Variants in RBFOX1 observed in about 807,000 individuals in gnomAD.
The protein encoded by RBFOX1 is RNA binding fox-1 homolog 1.
A neutral mutation model predicts 57.7 loss-of-function variants in RBFOX1; 8 were observed. That is an observed-to-expected ratio of 0.14 (90% CI 0.08 to 0.25). RBFOX1 has a LOEUF of 0.25. Ranked by LOEUF, RBFOX1 falls within the 10% of genes least tolerant of loss-of-function variation. The pLI, the probability that RBFOX1 is intolerant of heterozygous loss-of-function variation, is 1.00. For synonymous variants in RBFOX1, 326 were observed against 222.4 expected (o/e 1.47, Z -4.15); for missense variants, 611 against 548.5 (o/e 1.11, Z -1.14).
At chr16:7,128,903 C>T (rs1023391670) in intron 4 of RBFOX1, among the ~76,000 whole-genome samples, 47 of 150,472 alleles carry the variant, frequency 3.1e-4, no homozygotes, top group Admixed American at 1.2e-3. Flanking sequence ...TCACTGCAAC[C>T]TCCGCCTCCT....
At chr16:7,516,599 G>C (rs532240380) in intron 4 of RBFOX1, among the ~76,000 whole-genome samples, 3 of 152,318 alleles carry the variant, frequency 2.0e-5, no homozygotes, top group African/African-American at 7.2e-5. Context: ...CATGGCCCCA[G>C]TGCTATGGGA....
At chr16:5,797,668 G>T (rs1304509127) in intron 3 of RBFOX1, among the ~76,000 whole-genome samples, 4 of 152,248 alleles carry the variant, frequency 2.6e-5, no homozygotes, top group African/African-American at 9.6e-5. Context: ...CAAATATTTT[G>T]TTAGCTAATC....
At chr16:5,674,708 G>C (rs543422355) in intron 3 of RBFOX1, among the ~76,000 whole-genome samples, 2 of 152,276 alleles carry the variant, frequency 1.3e-5, no homozygotes, top group South Asian at 4.1e-4. Context: ...GTTGGAGAAA[G>C]GTTTTGATTC....
chr16:6,939,235 A>C (rs2077905008), intron 3 of RBFOX1, among the ~76,000 whole-genome samples: 1 of 152,186 alleles, frequency 6.6e-6, no homozygotes, highest in African/African-American at 2.4e-5. Context: ...AAAACCATAA[A>C]GGTTTCCCCA....
chr16:7,453,094 A>C (rs537921550), intron 4 of RBFOX1, among the ~76,000 whole-genome samples: 1 of 147,554 alleles, frequency 6.8e-6, no homozygotes, highest in African/African-American at 2.5e-5. Flanking sequence ...GCACCACTGC[A>C]CTCCAGGCTG....
At chr16:6,582,315 A>G (rs2097547565) in intron 2 of RBFOX1, among the ~76,000 whole-genome samples, 1 of 152,204 alleles carries the variant, frequency 6.6e-6, no homozygotes, top group Non-Finnish European at 1.5e-5. Context: ...GATGAGAAAA[A>G]TAATGTACAA....
chr16:6,877,713 T>C (rs8063781), intron 3 of RBFOX1, among the ~76,000 whole-genome samples: 37,701 of 152,080 alleles, frequency 0.25, 4,860 homozygotes, highest in African/African-American at 0.31. Flanking sequence ...AAATAGAGGC[T>C]CAAAGAAGTT....
intron 3 of RBFOX1, among the ~76,000 whole-genome samples, chr16:5,667,987 A>G (rs2049900454): frequency 6.6e-6 from 1 of 152,114 alleles, no homozygotes; most frequent in Non-Finnish European, 1.5e-5. Context: ...TTAATGAGGC[A>G]TTTCTAGAAA....
chr16:6,116,706 A>G (rs939112604), intron 1 of RBFOX1, among the ~76,000 whole-genome samples: 2 of 152,140 alleles, frequency 1.3e-5, no homozygotes, highest in African/African-American at 4.8e-5. Flanking sequence ...ATCAAGTCTG[A>G]GTTGGGCTTC....
chr16:6,189,147 A>T (rs760580213), intron 1 of RBFOX1, among the ~76,000 whole-genome samples: 1 of 152,136 alleles, frequency 6.6e-6, no homozygotes, highest in Non-Finnish European at 1.5e-5. Context: ...TTGTCATGCA[A>T]TTGTTTTGCT....
intron 4 of RBFOX1, among the ~76,000 whole-genome samples, chr16:7,464,491 G>A (rs1180310866): frequency 6.6e-6 from 1 of 151,860 alleles, no homozygotes; most frequent in Non-Finnish European, 1.5e-5. Flanking sequence ...ATGGGATTTG[G>A]GGTTGCCAAG....
chr16:6,744,611 A>G (rs1200408576), intron 3 of RBFOX1, among the ~76,000 whole-genome samples: 5 of 152,110 alleles, frequency 3.3e-5, no homozygotes, highest in African/African-American at 1.2e-4. Flanking sequence ...CGAAGAGAAA[A>G]TCTAAATGGA....
intron 1 of RBFOX1, among the ~76,000 whole-genome samples, chr16:6,281,506 G>A (rs955426115): frequency 2.0e-5 from 3 of 152,042 alleles, no homozygotes; most frequent in Non-Finnish European, 2.9e-5. Flanking sequence ...CGAGGGTGTG[G>A]GCCCCAAAGT....
intron 1 of RBFOX1, among the ~76,000 whole-genome samples, chr16:6,224,275 G>A (rs925213103): frequency 6.6e-6 from 1 of 151,572 alleles, no homozygotes; most frequent in Non-Finnish European, 1.5e-5. Flanking sequence ...GGATGGCATT[G>A]AATCTATAAA....
rs114212237 is a variant in RBFOX1 at position 6,130,347 on chromosome 16, G to T, written c.-127+110355G>T. 7.1e-3 allele frequency among the ~76,000 whole-genome samples: 1,073 copies of T among 152,128 alleles called. 14 individuals carry two copies. The highest frequency in any genetic ancestry group is 0.024 in the African/African-American group (1,007 of 41,548). ...ATGAACTGTAAAAAGATTCTGATAA[G>T]TTATGGATACATATTGTTTATCCTA... On this transcript the variant is annotated intron_variant, in intron 1 of 15. Transcript: ENST00000550418.
intron 3 of RBFOX1, among the ~76,000 whole-genome samples, chr16:6,852,138 T>C (rs11647920): frequency 0.25 from 38,268 of 151,834 alleles, 5,380 homozygotes; most frequent in Admixed American, 0.38. Context: ...TCTAACAGTT[T>C]TGGTGATCTG....
chr16:6,534,173 T>C (rs1042601156), intron 2 of RBFOX1, among the ~76,000 whole-genome samples: 17 of 152,098 alleles, frequency 1.1e-4, no homozygotes, highest in African/African-American at 3.6e-4. Context: ...AATAAATGAA[T>C]GCATAAGTAA....
intron 2 of RBFOX1, among the ~76,000 whole-genome samples, chr16:6,616,965 T>C (rs539031141): frequency 1.3e-5 from 2 of 152,318 alleles, no homozygotes; most frequent in Admixed American, 6.5e-5. Flanking sequence ...CAGCAGAGTT[T>C]TGCAACAGAG....
chr16:7,675,418 A>AC (rs2072986443), intron 13 of RBFOX1, among the ~76,000 whole-genome samples: 1 of 152,162 alleles, frequency 6.6e-6, no homozygotes, highest in African/African-American at 2.4e-5. Flanking sequence ...CAAAAAAAAA[A>AC]AAAACTGGTT....
Sources: allele counts gnomAD v4.1 joint callset (sites outside exome capture counted in the v4.1 genomes callset), GRCh38; gene constraint gnomAD v4.1.1; transcripts MANE v1.5; gene names NCBI Gene and HGNC (gene_info 2026-07-23, HGNC 2026-07-21).